Variants in CTNNA3 observed in about 807,000 individuals in gnomAD.
CTNNA3 encodes catenin alpha-3.
In CTNNA3, 76 loss-of-function variants were observed where a neutral mutation model predicts 95.7. The observed-to-expected ratio is 0.79, with a 90% CI of 0.66 to 0.96. The LOEUF (loss-of-function observed/expected upper bound fraction) is 0.96. Ranked by LOEUF, CTNNA3 falls within the 40% of genes least tolerant of loss-of-function variation. The pLI is 0.00. For missense variants in CTNNA3, 1,191 were observed against 1,089.8 expected (o/e 1.09, Z -1.31); for synonymous variants, 431 against 374.4 (o/e 1.15, Z -1.74).
rs553825135 is a variant in CTNNA3 at position 66,953,670 on chromosome 10, A to G, written c.1048-178146T>C. 4.6e-5 allele frequency among the ~76,000 whole-genome samples: 7 copies of G among 152,314 alleles called. No homozygotes were observed. In the South Asian group the frequency reaches 1.4e-3, roughly 32 times the overall value. On this transcript the variant is annotated intron_variant, in intron 7 of 17. Coordinates refer to ENST00000433211, the MANE Select transcript of CTNNA3 (RefSeq NM_013266.4). ...TTAGAGAATTTCATCTATTTTCTAC[A>G]TAATAATTTTATCTTTGAAACTTAA... is the stretch of plus-strand genomic sequence containing the variant.
intron 11 of CTNNA3, among the ~76,000 whole-genome samples, chr10:66,420,835 A>AAATAAATAAATT (rs751801209): frequency 0.071 from 6,580 of 92,968 alleles, 200 homozygotes; most frequent in Middle Eastern, 0.1. Context: ...ATAAATAAAT[A>AAATAAATAAATT]AATAAAAAAC....
At chr10:66,817,926 A>G (rs184101711) in intron 7 of CTNNA3, among the ~76,000 whole-genome samples, 16 of 152,200 alleles carry the variant, frequency 1.1e-4, no homozygotes, top group African/African-American at 3.4e-4. Context: ...AGAAACACAC[A>G]AAAAGCTTAT....
chr10:66,681,154 A>G (rs557559216), intron 9 of CTNNA3, among the ~76,000 whole-genome samples: 1 of 152,190 alleles, frequency 6.6e-6, no homozygotes, highest in Non-Finnish European at 1.5e-5. Flanking sequence ...GATGTTTGAA[A>G]TATGTCATAA....
intron 1 of CTNNA3, among the ~76,000 whole-genome samples, chr10:67,762,091 A>G (rs1416203414): frequency 6.6e-6 from 1 of 151,912 alleles, no homozygotes; most frequent in Non-Finnish European, 1.5e-5. Flanking sequence ...TTGGAGCCAA[A>G]AGAACTCATT....
chr10:66,096,467 T>C (rs2081389214), intron 14 of CTNNA3, among the ~76,000 whole-genome samples: 1 of 152,066 alleles, frequency 6.6e-6, no homozygotes, highest in African/African-American at 2.4e-5. Flanking sequence ...TAAAAAATCA[T>C]TATACATCTA....
intron 7 of CTNNA3, among the ~76,000 whole-genome samples, chr10:66,878,614 T>C (rs942496830): frequency 1.3e-5 from 2 of 152,100 alleles, no homozygotes; most frequent in African/African-American, 2.4e-5. Context: ...ATTATAACCC[T>C]ACCTGATTCT....
chr10:66,829,854 T>TTTGTTGTTGTTGTTGTTGTTG (rs59424993), intron 7 of CTNNA3, among the ~76,000 whole-genome samples: 2,178 of 148,340 alleles, frequency 0.015, 24 homozygotes, highest in Non-Finnish European at 0.018. Context: ...CCCCAGGGGA[T>TTTGTTGTTGTTGTTGTTGTTG]TTGTTGTTGT....
At chr10:67,524,758 T>C (rs1214296705) in intron 4 of CTNNA3, among the ~76,000 whole-genome samples, 6 of 152,008 alleles carry the variant, frequency 3.9e-5, no homozygotes, top group Non-Finnish European at 5.9e-5. Context: ...ACACACCCCA[T>C]CCCCACCTGC....
At chr10:66,334,201 T>C (rs139066419) in intron 12 of CTNNA3, among the ~76,000 whole-genome samples, 2,216 of 152,140 alleles carry the variant, frequency 0.015, 54 homozygotes, top group African/African-American at 0.051. Flanking sequence ...AGTCTGTCTT[T>C]TAATTGGAGC....
At chr10:66,294,886 C>CAGAGAGAGAGAGAG (rs35664400) in intron 12 of CTNNA3, among the ~76,000 whole-genome samples, 214 of 142,486 alleles carry the variant, frequency 1.5e-3, no homozygotes, top group African/African-American at 5.3e-3. Flanking sequence ...ACAGTCAGGA[C>CAGAGAGAGAGAGAG]AGAGAGAGAG....
intron 7 of CTNNA3, among the ~76,000 whole-genome samples, chr10:66,790,964 C>T (rs2132878285): frequency 6.6e-6 from 1 of 152,290 alleles, no homozygotes; most frequent in Non-Finnish European, 1.5e-5. Context: ...TTTACCTTTA[C>T]CATCGCCATT....
At chr10:67,569,683 T>C (rs1841921696) in intron 3 of CTNNA3, among the ~76,000 whole-genome samples, 1 of 152,094 alleles carries the variant, frequency 6.6e-6, no homozygotes, top group Non-Finnish European at 1.5e-5. Flanking sequence ...GGTCTGAAAA[T>C]TATTGTTGTG....
intron 3 of CTNNA3, among the ~76,000 whole-genome samples, chr10:67,599,839 A>G (rs1843031304): frequency 6.6e-6 from 1 of 152,142 alleles, no homozygotes; most frequent in African/African-American, 2.4e-5. Flanking sequence ...AGTCCTAACC[A>G]AAATCTCAGT....
intron 7 of CTNNA3, among the ~76,000 whole-genome samples, chr10:66,966,182 A>G (rs889003670): frequency 3.2e-4 from 48 of 152,194 alleles, no homozygotes; most frequent in African/African-American, 1.1e-3. Context: ...TAAATGTTAC[A>G]TATTTTAACC....
At chr10:67,614,718 G>T (rs769757332) in intron 2 of CTNNA3, among the ~76,000 whole-genome samples, 7 of 152,156 alleles carry the variant, frequency 4.6e-5, no homozygotes, top group Admixed American at 1.3e-4. Context: ...ACCAGTTGGG[G>T]TACTCAACTG....
chr10:66,974,189 A>G (rs1849892776), intron 7 of CTNNA3, among the ~76,000 whole-genome samples: 1 of 152,132 alleles, frequency 6.6e-6, no homozygotes, highest in African/African-American at 2.4e-5. Flanking sequence ...AAATCATTCA[A>G]TGTAGGTTTT....
chr10:67,538,702 T>C (rs1840567383), intron 4 of CTNNA3, among the ~76,000 whole-genome samples: 1 of 152,194 alleles, frequency 6.6e-6, no homozygotes, highest in Non-Finnish European at 1.5e-5. Flanking sequence ...ATTGCTTACT[T>C]AATAGAGTAG....
intron 13 of CTNNA3, among the ~76,000 whole-genome samples, chr10:66,142,650 T>C (rs1213055838): frequency 6.6e-6 from 1 of 152,066 alleles, no homozygotes; most frequent in Non-Finnish European, 1.5e-5. Context: ...ACATTAACCT[T>C]TTGCTATGAC....
At chr10:67,485,839 T>G (rs1848425105) in intron 5 of CTNNA3, among the ~76,000 whole-genome samples, 1 of 152,192 alleles carries the variant, frequency 6.6e-6, no homozygotes, top group African/African-American at 2.4e-5. Context: ...TTCCTTCAAA[T>G]AAGTCAACTA....
Sources: allele counts gnomAD v4.1 joint callset (sites outside exome capture counted in the v4.1 genomes callset), GRCh38; gene constraint gnomAD v4.1.1; transcripts MANE v1.5; gene names NCBI Gene and HGNC (gene_info 2026-07-23, HGNC 2026-07-21).